Variants in DYNC1H1 observed in about 807,000 individuals in gnomAD.
DYNC1H1 encodes cytoplasmic dynein 1 heavy chain 1.
Under a neutral mutation model 527.1 loss-of-function variants are expected in DYNC1H1, and 51 were observed. The ratio of observed to expected loss-of-function variants is 0.10; its 90% CI spans 0.08 to 0.12. The LOEUF (loss-of-function observed/expected upper bound fraction) is 0.12, where lower values mean the gene tolerates loss of function less well. DYNC1H1 is among the 10% of genes least tolerant of loss of function. DYNC1H1 has a pLI of 1.00. For synonymous variants in DYNC1H1, 2,189 were observed against 2,278.8 expected (o/e 0.96, Z 1.12); for missense variants, 2,771 against 5,971.8 (o/e 0.46, Z 17.66).
intron 77 of DYNC1H1, 40 bp downstream of exon 77, chr14:102,050,238 C>G: frequency 6.2e-7 from 1 of 1,613,680 alleles, no homozygotes; most frequent in South Asian, 1.1e-5. Context: ...CTGCAGGGAC[C>G]CCTGCGGTAA....
At chr14:101,966,644 C>T (rs1387618300) in intron 1 of DYNC1H1, among the ~76,000 whole-genome samples, 2 of 151,800 alleles carry the variant, frequency 1.3e-5, no homozygotes, top group African/African-American at 4.8e-5. Flanking sequence ...GTAGCTTGAC[C>T]ATTGCTAATC....
chr14:102,033,546 C>T lies in DYNC1H1; in HGVS notation c.10413+62C>T. On this transcript the variant is annotated intron_variant, in intron 54 of 77. Transcript: ENST00000360184. This position sits in a 1 kb window ranked among gnomAD's most constrained non-coding sequence, Gnocchi z 5.6. Reference sequence around the variant, plus strand: ...TGTGGAAGCAGAGATTAACACACTTCAACATGCGCTGCATGCACCATGCTG... The same window carrying T: ...TGTGGAAGCAGAGATTAACACACTTTAACATGCGCTGCATGCACCATGCTG... 6.3e-7 allele frequency: 1 copy of T among 1,591,840 alleles called. No individual in the cohort carries two copies. Among genetic ancestry groups the T allele is most frequent in the Non-Finnish European group, 8.6e-7 (1 of 1,165,810 alleles).
chr14:102,047,574 T>TACATACACATACGTATATATATATAC (rs2048736557), intron 72 of DYNC1H1: 1 of 312,828 alleles, frequency 3.2e-6, no homozygotes, highest in Non-Finnish European at 5.8e-6. Context: ...CATATATATA[T>TACATACACATACGTATATATATATAC]ACATACACAT....
At chr14:101,971,314 TCCAC>T (rs1283377125) in intron 1 of DYNC1H1, among the ~76,000 whole-genome samples, 3 of 151,932 alleles carry the variant, frequency 2.0e-5, no homozygotes, top group Non-Finnish European at 4.4e-5. Flanking sequence ...GCTCGAGTGA[TCCAC>T]CCACCTTGGC....
Position 101,974,014 on chromosome 14 carries a change from G to A in DYNC1H1, c.257-1698G>A, listed in dbSNP as rs575330414. 2.6e-5 allele frequency among the ~76,000 whole-genome samples: 4 copies of A among 152,220 alleles called. No individual in the cohort carries two copies. The East Asian group carries it at 7.7e-4, about 29-fold the overall frequency. ...TTACACCTTACAAATTTGAAGCCCA[G>A]AGAAAGAAAAATGACTTTCTCAAGG... On this transcript the variant is annotated intron_variant, in intron 1 of 77. Coordinates refer to ENST00000360184, the MANE Select transcript of DYNC1H1 (RefSeq NM_001376.5).
In DYNC1H1 at chr14:102,002,611, T is replaced by C. The variant is rs764508418; in HGVS notation, c.4617T>C (p.Asp1539=). ...TGGCTCTCTTTGATGTGTGGATTGATGTGCAGAGGCGGTGGGTCTACCTGG... is the reference window on the plus strand; with the variant it reads ...TGGCTCTCTTTGATGTGTGGATTGACGTGCAGAGGCGGTGGGTCTACCTGG... The part of the protein sequence containing the change: ...RIMALFDVWI[D]VQRRWVYLEG... The change falls in exon 22 of 78, where the codon GAT becomes GAC. Residue 1539 remains aspartate (D), a synonymous_variant. Transcript: ENST00000360184. This position sits in a 1 kb window ranked among gnomAD's most constrained non-coding sequence, Gnocchi z 4.4. 6.2e-7 allele frequency: 1 copy of C among 1,614,214 alleles called. No homozygotes were observed. The highest frequency in any genetic ancestry group is 8.5e-7 in the Non-Finnish European group (1 of 1,180,040).
rs1276160719 is a variant in DYNC1H1 at position 102,049,757 on chromosome 14, A to G, written c.13559A>G (p.Tyr4520Cys). The G allele has an allele frequency of 6.2e-7, 1 of 1,613,834 alleles. No homozygotes were observed. The highest frequency in any genetic ancestry group is 2.2e-5 in the East Asian group (1 of 44,896). Reference protein sequence around the residue: ...CLGGLFVPEAYITATRQYVAQ... With the variant: ...CLGGLFVPEACITATRQYVAQ... ...GGTGGCCTGTTCGTGCCTGAGGCGT[A>G]CATCACTGCCACCAGGCAGTATGTG... The change falls in exon 76 of 78, where the codon TAC (tyrosine) becomes TGC (cysteine). Residue 4520 changes from tyrosine (Y) to cysteine (C), a missense_variant. Transcript: ENST00000360184. This position sits in a 1 kb window ranked among gnomAD's most constrained non-coding sequence, Gnocchi z 5.5.
chr14:102,004,032 G>C (rs999089458), intron 23 of DYNC1H1, among the ~76,000 whole-genome samples: 81 of 152,058 alleles, frequency 5.3e-4, no homozygotes, highest in African/African-American at 1.9e-3. Flanking sequence ...ACGAGGTCAG[G>C]AGATCGAGAC....
chr14:102,050,265 T>G (rs1356197178), intron 77 of DYNC1H1, 67 bp downstream of exon 77: 1 of 1,612,534 alleles, frequency 6.2e-7, no homozygotes, highest in Non-Finnish European at 8.5e-7. Context: ...CAGAGGCGGC[T>G]CCTCTTCTAT....
rs760210846 is a variant in DYNC1H1, at chr14:102,012,353, G to A, written c.6897G>A (p.Gln2299=). 6.2e-7 allele frequency: 1 copy of A among 1,614,246 alleles called. No homozygotes were observed. The highest frequency in any genetic ancestry group is 1.3e-5 in the African/African-American group (1 of 75,064). ...DSVRGELQKR[Q]WIVFDGDVDP... ...TGAGAGGCGAGCTGCAGAAGCGCCA[G>A]TGGATCGTCTTCGATGGCGATGTGG... The change falls in exon 34 of 78, where the codon CAG becomes CAA. Residue 2299 remains glutamine, a synonymous_variant. Transcript: ENST00000360184. This position sits in a 1 kb window ranked among gnomAD's most constrained non-coding sequence, Gnocchi z 4.9.
chr14:102,013,156 G>A (rs1184605849), intron 34 of DYNC1H1, among the ~76,000 whole-genome samples: 3 of 149,936 alleles, frequency 2.0e-5, no homozygotes, highest in African/African-American at 7.4e-5. Flanking sequence ...GGCTGAGGCA[G>A]GAGAATGGCA....
chr14:102,040,087 C>A, intron 62 of DYNC1H1, 149 bp from the exon 63 acceptor site: 1 of 1,097,416 alleles, frequency 9.1e-7, no homozygotes, highest in African/African-American at 1.5e-5. Context: ...TCAAGTGATC[C>A]GCCCACCTCG....
chr14:102,008,187 C>G lies in DYNC1H1; in HGVS notation c.5827C>G (p.Arg1943Gly). The G allele has an allele frequency of 1.2e-6, 2 of 1,614,110 alleles. No individual in the cohort carries two copies. The highest frequency in any genetic ancestry group is 1.7e-6 in the Non-Finnish European group (2 of 1,180,004). ...DETFDFQAMG[R>G]IFVGLCQVGA... is the part of the protein sequence containing the mutation. ...TTCCTCTCCTTTCCAGGCAATGGGC[C>G]GGATCTTTGTGGGCCTTTGCCAGGT... The change falls in exon 29 of 78, where the codon CGG becomes GGG. Residue 1943 changes from arginine (R) to glycine (G), a missense_variant. This residue lies in a region of DYNC1H1 where 22 missense variants were observed against 109.5 expected (regional missense o/e 0.20). Coordinates refer to ENST00000360184, the MANE Select transcript of DYNC1H1 (RefSeq NM_001376.5).
rs2048781857 is a variant in DYNC1H1, at chr14:102,049,931, T to G, written c.13684+49T>G. 3 of 1,553,074 alleles carry G rather than the reference T, an allele frequency of 1.9e-6. No homozygotes were observed. ...ACTGGCTCTTTGCAGGTGACCTCGG[T>G]GGCCTGAGACCATTGTTCCCAGATA... On this transcript the variant is annotated intron_variant, in intron 76 of 77. Coordinates refer to ENST00000360184, the MANE Select transcript of DYNC1H1 (RefSeq NM_001376.5). This position sits in a 1 kb window ranked among gnomAD's most constrained non-coding sequence, Gnocchi z 5.5.
chr14:102,030,505 A>G, intron 51 of DYNC1H1: 2 of 577,486 alleles, frequency 3.5e-6, no homozygotes, highest in Non-Finnish European at 6.0e-6. Context: ...CCATAGTGAA[A>G]CCCCTCTCAT....
intron 34 of DYNC1H1, among the ~76,000 whole-genome samples, chr14:102,014,432 G>C (rs1253283548): frequency 6.6e-6 from 1 of 151,820 alleles, no homozygotes; most frequent in Non-Finnish European, 1.5e-5. Flanking sequence ...TACTCAGGAG[G>C]CTGAGACAGG....
chr14:101,969,182 T>C (rs2141262076), intron 1 of DYNC1H1, among the ~76,000 whole-genome samples: 1 of 140,484 alleles, frequency 7.1e-6, no homozygotes, highest in South Asian at 2.2e-4. Flanking sequence ...CACACCTGGT[T>C]AATTTTTTTT....
rs1404569324 is a variant in DYNC1H1 at position 102,042,490 on chromosome 14, A to G, written c.12382A>G (p.Met4128Val). Residue 4128 changes from methionine to valine, a missense_variant, in exon 68 of 78, where the codon ATG (methionine) becomes GTG (valine). Transcript: ENST00000360184. The surrounding 1 kb of genome is among the most constrained non-coding windows in gnomAD (Gnocchi z 5.7). ...PHACFRLFLT[M>V]EINPKVPVNL... ...TGCCTGCTTCCGACTCTTCCTCACC[A>G]TGGAGATCAACCCCAAGGTGGGTGG... is the stretch of plus-strand genomic sequence containing the variant. The G allele has an allele frequency of 6.2e-7, 1 of 1,613,932 alleles. No homozygotes were observed. Among genetic ancestry groups the G allele is most frequent in the Non-Finnish European group, 8.5e-7 (1 of 1,180,016 alleles).
At chr14:101,991,473 T>A (rs1422290908) in intron 10 of DYNC1H1, 54 bp from the exon 11 acceptor site, 49 of 1,607,124 alleles carry the variant, frequency 3.0e-5, no homozygotes, top group East Asian at 1.1e-4. Flanking sequence ...CTTAAAAAAA[T>A]TTTTTTTATT....
Sources: allele counts gnomAD v4.1 joint callset (sites outside exome capture counted in the v4.1 genomes callset), GRCh38; gene constraint gnomAD v4.1.1; regional missense constraint gnomAD v4.1.1; non-coding constraint Gnocchi (gnomAD v3.1); transcripts MANE v1.5; gene names NCBI Gene and HGNC (gene_info 2026-07-23, HGNC 2026-07-21).